The following COMMD1 variants were observed in gnomAD, a reference collection of about 807,000 sequenced individuals.
The protein encoded by COMMD1 is copper metabolism domain containing 1, also known as COMM domain-containing protein 1.
In COMMD1, 10 loss-of-function variants were observed where a neutral mutation model predicts 17.2. The ratio of observed to expected loss-of-function variants is 0.58; its 90% CI spans 0.36 to 0.99. The LOEUF is 0.99. Among genes scored for constraint, COMMD1 ranks in the 50% least tolerant of loss-of-function variants. COMMD1 has a pLI of 0.01. For missense variants in COMMD1, 270 were observed against 231.8 expected, an observed-to-expected ratio of 1.17 and a Z score of -1.07; for synonymous variants, 97 against 91.6, an observed-to-expected ratio of 1.06 and a Z score of -0.34.
At chr2:62,135,646 T>G (rs1344411752) in intron 2 of COMMD1, among the ~76,000 whole-genome samples, 185 bp from the exon 3 acceptor site, 2 of 152,184 alleles carry the variant, frequency 1.3e-5, no homozygotes, top group Non-Finnish European at 2.9e-5. Context: ...CCACTGCGCC[T>G]GGCATAAAAG....
chr2:62,006,709 C>T (rs958174330), intron 2 of COMMD1, among the ~76,000 whole-genome samples: 5 of 152,180 alleles, frequency 3.3e-5, no homozygotes, highest in African/African-American at 9.7e-5. Flanking sequence ...ACTGTGAGAT[C>T]TGAGCCATGA....
chr2:61,988,247 A>G (rs878881258), intron 1 of COMMD1, among the ~76,000 whole-genome samples: 5 of 151,942 alleles, frequency 3.3e-5, no homozygotes, highest in African/African-American at 1.2e-4. Flanking sequence ...CCATAACCAC[A>G]TAGGTAGGAA....
At position 62,035,391 on chromosome 2, in the gene COMMD1, T is replaced by C. The variant is rs138845385; in HGVS notation, c.462+34409T>C. 2.2e-3 allele frequency among the ~76,000 whole-genome samples: 334 copies of C among 152,324 alleles called. 2 individuals are homozygous for C. The highest frequency in any genetic ancestry group is 6.7e-3 in the African/African-American group (280 of 41,572). On this transcript the variant is annotated intron_variant, in intron 2 of 2. Transcript: ENST00000311832. ...TGATTGGTGAGGATTCCCAGTTCTA[T>C]GTTTGTGTGTTGAGAGAGAGCCAGA...
chr2:61,934,596 T>G (rs1045935706), intron 1 of COMMD1, among the ~76,000 whole-genome samples: 2 of 152,086 alleles, frequency 1.3e-5, no homozygotes, highest in Non-Finnish European at 2.9e-5. Flanking sequence ...CAAGTTCAAG[T>G]TATAGAATGA....
intron 1 of COMMD1, among the ~76,000 whole-genome samples, chr2:61,938,817 A>G (rs1572981754): frequency 6.6e-6 from 1 of 152,284 alleles, no homozygotes; most frequent in East Asian, 1.9e-4. Context: ...CCTTGTAAGT[A>G]ATGAGAAATA....
intron 2 of COMMD1, among the ~76,000 whole-genome samples, chr2:62,076,138 C>A (rs1022465783): frequency 1.3e-5 from 2 of 152,242 alleles, no homozygotes; most frequent in African/African-American, 4.8e-5. Flanking sequence ...GGTACAAAGT[C>A]TCATCCTTTC....
chr2:61,934,054 T>A (rs1417980141), intron 1 of COMMD1, among the ~76,000 whole-genome samples: 5 of 152,180 alleles, frequency 3.3e-5, no homozygotes. Context: ...TATGAGCCAC[T>A]ACGCCCGGCC....
intron 2 of COMMD1, among the ~76,000 whole-genome samples, chr2:62,099,026 C>T (rs555080565): frequency 6.6e-6 from 1 of 152,342 alleles, no homozygotes; most frequent in Admixed American, 6.5e-5. Flanking sequence ...TCCCCTCTGC[C>T]TGTAGGTTTT....
chr2:62,035,072 A>C (rs987433708), intron 2 of COMMD1, among the ~76,000 whole-genome samples: 1 of 151,934 alleles, frequency 6.6e-6, no homozygotes, highest in African/African-American at 2.4e-5. Flanking sequence ...ATTTAGATAA[A>C]AATTTGTGCA....
intron 1 of COMMD1, among the ~76,000 whole-genome samples, chr2:61,909,183 C>T (rs1669844475): frequency 6.6e-6 from 1 of 152,126 alleles, no homozygotes; most frequent in African/African-American, 2.4e-5. Context: ...CCGCCTCGGC[C>T]TCCCAAAGTG....
intron 1 of COMMD1, among the ~76,000 whole-genome samples, chr2:61,940,038 A>G (rs1179695852): frequency 3.3e-5 from 5 of 151,872 alleles, no homozygotes; most frequent in South Asian, 2.1e-4. Context: ...GCTCAAGCCA[A>G]TATTCCATAA....
At chr2:62,121,371 C>CAA (rs55789110) in intron 2 of COMMD1, among the ~76,000 whole-genome samples, 22 of 47,198 alleles carry the variant, frequency 4.7e-4, no homozygotes, top group African/African-American at 1.3e-3. Flanking sequence ...GACTCTTTCT[C>CAA]AAAAAAAAAA....
chr2:62,093,087 C>T lies in COMMD1; in HGVS notation c.463-42744C>T, dbSNP rs1016613711. ...GTCACTGTGCATTTCAGAAGGAATTCCCCAAACTGGAATGATTCTAACAAA... is the reference window on the plus strand; with the variant it reads ...GTCACTGTGCATTTCAGAAGGAATTTCCCAAACTGGAATGATTCTAACAAA... On this transcript the variant is annotated intron_variant, in intron 2 of 2. Transcript: ENST00000311832. Among the ~76,000 whole-genome samples, 11 of 152,304 alleles carry T rather than the reference C, an allele frequency of 7.2e-5. 1 individual carries two copies. The highest frequency in any genetic ancestry group is 3.4e-3 in the Middle Eastern group (1 of 294).
intron 2 of COMMD1, among the ~76,000 whole-genome samples, chr2:62,109,645 T>G (rs191320242): frequency 6.6e-6 from 1 of 152,322 alleles, no homozygotes; most frequent in East Asian, 1.9e-4. Flanking sequence ...AACTTCAGTC[T>G]TCTGATTTGT....
chr2:61,892,835 C>A (rs1476587659), intron 1 of COMMD1, among the ~76,000 whole-genome samples: 1 of 151,818 alleles, frequency 6.6e-6, no homozygotes, highest in Non-Finnish European at 1.5e-5. Flanking sequence ...CACCATTAAG[C>A]CCCGTTTTCC....
chr2:62,051,510 A>C (rs1368266429), intron 2 of COMMD1, among the ~76,000 whole-genome samples: 1 of 152,234 alleles, frequency 6.6e-6, no homozygotes, highest in Admixed American at 6.5e-5. Context: ...TCTTCTCCTC[A>C]TCTTTGGTCT....
intron 2 of COMMD1, among the ~76,000 whole-genome samples, chr2:62,085,024 G>C (rs1052913503): frequency 1.3e-5 from 2 of 152,104 alleles, no homozygotes; most frequent in African/African-American, 4.8e-5. Flanking sequence ...TTCTCACATG[G>C]CCCTCTGAAG....
chr2:62,121,824 C>T (rs1279654043), intron 2 of COMMD1, among the ~76,000 whole-genome samples: 3 of 152,086 alleles, frequency 2.0e-5, no homozygotes, highest in East Asian at 1.9e-4. Flanking sequence ...CAGGATCTCA[C>T]TCTGTCACCC....
At chr2:61,927,039 C>T (rs1416994469) in intron 1 of COMMD1, among the ~76,000 whole-genome samples, 12 of 152,040 alleles carry the variant, frequency 7.9e-5, no homozygotes, top group African/African-American at 2.7e-4. Context: ...ATAAATGTTC[C>T]CATGAATTGA....
Sources: allele counts gnomAD v4.1 joint callset (sites outside exome capture counted in the v4.1 genomes callset), GRCh38; gene constraint gnomAD v4.1.1; transcripts MANE v1.5; gene names NCBI Gene and HGNC (gene_info 2026-07-23, HGNC 2026-07-21).